BLVRB: variants seen among roughly 807,000 people sequenced by gnomAD.
BLVRB encodes biliverdin reductase B.
In BLVRB, 25 loss-of-function variants were observed where a neutral mutation model predicts 21.1. The ratio of observed to expected loss-of-function variants is 1.19; its 90% confidence interval spans 0.86 to 1.66. The LOEUF (loss-of-function observed/expected upper bound fraction) is 1.66, where lower values mean the gene tolerates loss of function less well. BLVRB is among the 40% of genes most tolerant of loss of function. The pLI is 0.00. For missense variants in BLVRB, 274 were observed against 282.7 expected, an observed-to-expected ratio of 0.97 and a Z score of 0.22; for synonymous variants, 128 against 122.2, an observed-to-expected ratio of 1.05 and a Z score of -0.31.
chr19:40,451,254 A>G, intron 4 of BLVRB, 110 bp downstream of exon 4: 2 of 1,472,240 alleles, frequency 1.4e-6, no homozygotes, highest in Non-Finnish European at 1.8e-6. Context: ...ACAATATCAT[A>G]GGAAGGTTTG....
chr19:40,448,169 C>A, intron 4 of BLVRB, 123 bp from the exon 5 acceptor site: 2 of 988,820 alleles, frequency 2.0e-6, no homozygotes, highest in Non-Finnish European at 2.9e-6. Context: ...GTGTCACAGC[C>A]AAGAATGGAC....
Position 40,465,599 on chromosome 19 carries a change from C to A in BLVRB, c.79+11G>T. The A allele has an allele frequency of 6.2e-7, 1 of 1,609,420 alleles. No individual in the cohort carries two copies. The highest frequency in any genetic ancestry group is 8.5e-7 in the Non-Finnish European group (1 of 1,178,756). On this transcript the variant is annotated intron_variant, in intron 1 of 4. Transcript: ENST00000263368. ...TGTCCCGTGACATGCCCCGCCCGCCCCGGCTCATGCCTGCTTGCACCGCCT... is the reference window on the plus strand; with the variant it reads ...TGTCCCGTGACATGCCCCGCCCGCCACGGCTCATGCCTGCTTGCACCGCCT...
chr19:40,460,991 CAAAA>C (rs1011992857), intron 1 of BLVRB, among the ~76,000 whole-genome samples: 2 of 146,592 alleles, frequency 1.4e-5, no homozygotes, highest in South Asian at 2.1e-4. Flanking sequence ...CAAAACAAAA[CAAAA>C]CAAACAACAA....
intron 4 of BLVRB, 141 bp downstream of exon 4, chr19:40,451,223 C>T (rs955672576): frequency 3.1e-6 from 4 of 1,293,306 alleles, no homozygotes; most frequent in Non-Finnish European, 4.2e-6. Flanking sequence ...GAAACAGGGA[C>T]AAAGGCCAAA....
chr19:40,448,628 T>C (rs1599684690), intron 4 of BLVRB, among the ~76,000 whole-genome samples: 5 of 145,778 alleles, frequency 3.4e-5, no homozygotes, highest in Admixed American at 1.4e-4. Context: ...TATATATATA[T>C]ATATATATAT....
chr19:40,464,651 A>G (rs926967612), intron 1 of BLVRB, among the ~76,000 whole-genome samples: 5 of 152,190 alleles, frequency 3.3e-5, no homozygotes, highest in African/African-American at 1.2e-4. Flanking sequence ...TTTTACTGAG[A>G]GGCCCACAGC....
At chr19:40,463,746 A>G (rs2079798470) in intron 1 of BLVRB, among the ~76,000 whole-genome samples, 1 of 150,362 alleles carries the variant, frequency 6.7e-6, no homozygotes, top group Non-Finnish European at 1.5e-5. Context: ...CTGGAATTAC[A>G]GGCACGTACC....
intron 1 of BLVRB, among the ~76,000 whole-genome samples, chr19:40,458,757 A>G (rs1452163709): frequency 6.6e-6 from 1 of 152,020 alleles, no homozygotes; most frequent in Non-Finnish European, 1.5e-5. Flanking sequence ...GCAATGGTGC[A>G]GTCACAGCTC....
intron 1 of BLVRB, among the ~76,000 whole-genome samples, chr19:40,462,669 A>G (rs925529626): frequency 3.4e-5 from 5 of 148,252 alleles, no homozygotes. Context: ...AGGCGGGCGG[A>G]TCATGAGGTC....
Position 40,465,606 on chromosome 19 carries a change from A to C in BLVRB, c.79+4T>G. ...TGACATGCCCCGCCCGCCCCGGCTC[A>C]TGCCTGCTTGCACCGCCTGCGCCAG... On this transcript the variant is annotated splice_donor_region_variant and intron_variant, in intron 1 of 4. Transcript: ENST00000263368. The C allele has an allele frequency of 6.2e-7, 1 of 1,611,122 alleles. No homozygotes were observed. The highest frequency in any genetic ancestry group is 1.3e-5 in the African/African-American group (1 of 74,984).
At chr19:40,453,464 C>T (rs1189940632) in intron 3 of BLVRB, among the ~76,000 whole-genome samples, 2 of 152,182 alleles carry the variant, frequency 1.3e-5, no homozygotes, top group Non-Finnish European at 2.9e-5. Flanking sequence ...GCATCTGGAA[C>T]ATTGTAGGTA....
chr19:40,458,302 AGGGGCGGGGCCG>A, intron 2 of BLVRB, 58 bp from the exon 3 acceptor site: 7 of 468,938 alleles, frequency 1.5e-5, no homozygotes, highest in South Asian at 9.4e-5. Flanking sequence ...CAGGGGTGGC[AGGGGCGGGGCCG>A]GGGGCGGGGG....
chr19:40,458,086 T>G, intron 3 of BLVRB, 69 bp downstream of exon 3: 1 of 1,461,636 alleles, frequency 6.8e-7, no homozygotes, highest in Non-Finnish European at 9.5e-7. Context: ...GCGTCACCTT[T>G]CAGAGGCCCC....
intron 3 of BLVRB, among the ~76,000 whole-genome samples, chr19:40,454,042 C>T (rs1432744924): frequency 6.6e-6 from 1 of 152,074 alleles, no homozygotes; most frequent in African/African-American, 2.4e-5. Context: ...AAAGGTGTGT[C>T]ACAGAGACCA....
intron 1 of BLVRB, among the ~76,000 whole-genome samples, chr19:40,461,020 AT>A (rs2079785211): frequency 6.6e-6 from 1 of 152,156 alleles, no homozygotes; most frequent in East Asian, 1.9e-4. Context: ...AACAATAAAC[AT>A]AAAAAACCAA....
intron 3 of BLVRB, among the ~76,000 whole-genome samples, chr19:40,454,034 AG>A (rs376800814): frequency 2.6e-5 from 4 of 152,286 alleles, no homozygotes; most frequent in African/African-American, 9.6e-5. Context: ...GGTTATAAAA[AG>A]GTGTGTCACA....
chr19:40,457,674 A>ATAAATAAT (rs1436409702), intron 3 of BLVRB: 4 of 152,748 alleles, frequency 2.6e-5, no homozygotes, highest in African/African-American at 9.6e-5. Context: ...AAATAAATAA[A>ATAAATAAT]TAAATAAATG....
At chr19:40,465,552 C>T (rs1210445581) in intron 1 of BLVRB, 58 bp downstream of exon 1, 11 of 1,559,328 alleles carry the variant, frequency 7.1e-6, no homozygotes, top group Non-Finnish European at 9.5e-6. Flanking sequence ...CCATGGTGCC[C>T]CTTCCTAAAG....
rs569361634 is a variant in BLVRB at position 40,449,011 on chromosome 19, G to A, written c.464-965C>T. Among the ~76,000 whole-genome samples, 482 of 152,068 alleles carry A rather than the reference G, an allele frequency of 3.2e-3. 1 individual carries two copies. Among genetic ancestry groups the A allele is most frequent in the African/African-American group, 0.011 (471 of 41,514 alleles). The stretch of plus-strand genomic sequence containing the variant: ...GAGAATCACTTGAGCCCAGAAGGCG[G>A]AGGTTGCAGTGAGCCAAGATTGTGC... On this transcript the variant is annotated intron_variant, in intron 4 of 4. Coordinates refer to ENST00000263368, the MANE Select transcript of BLVRB (RefSeq NM_000713.3).
Sources: allele counts gnomAD v4.1 joint callset (sites outside exome capture counted in the v4.1 genomes callset), GRCh38; gene constraint gnomAD v4.1.1; transcripts MANE v1.5; gene names NCBI Gene and HGNC (gene_info 2026-07-23, HGNC 2026-07-21).